Variants in SPATA6 observed in about 807,000 individuals in gnomAD.
SPATA6 encodes spermatogenesis-associated protein 6.
In SPATA6, 56 loss-of-function variants were observed where a neutral mutation model predicts 65.3. That is an observed-to-expected ratio of 0.86 (90% CI 0.69 to 1.07). The LOEUF (loss-of-function observed/expected upper bound fraction) is 1.07. Ranked by LOEUF, SPATA6 falls within the 50% of genes least tolerant of loss-of-function variation. The probability of loss-of-function intolerance (pLI) is 0.00; values close to 1 mark genes in which losing one functional copy is unlikely to be tolerated. For missense variants in SPATA6, 590 were observed against 594.8 expected (o/e 0.99, Z 0.08); for synonymous variants, 199 against 213.2 (o/e 0.93, Z 0.58).
intron 11 of SPATA6, among the ~76,000 whole-genome samples, chr1:48,345,718 T>C (rs1646345316): frequency 6.6e-6 from 1 of 152,022 alleles, no homozygotes; most frequent in Admixed American, 6.6e-5. Context: ...AACACCTCTA[T>C]GCACATAAAC....
intron 8 of SPATA6, among the ~76,000 whole-genome samples, chr1:48,392,826 C>G (rs142340813): frequency 6.6e-6 from 1 of 151,832 alleles, no homozygotes; most frequent in South Asian, 2.1e-4. Context: ...TGTAAGAGAT[C>G]CTACCATAAG....
At chr1:48,313,434 C>A (rs1309491236) in intron 11 of SPATA6, among the ~76,000 whole-genome samples, 1 of 152,022 alleles carries the variant, frequency 6.6e-6, no homozygotes, top group African/African-American at 2.4e-5. Flanking sequence ...ATTTCATATC[C>A]AGCCAAACTA....
intron 9 of SPATA6, among the ~76,000 whole-genome samples, chr1:48,361,087 T>C (rs1001345268): frequency 2.8e-4 from 43 of 152,134 alleles, no homozygotes; most frequent in African/African-American, 9.4e-4. Context: ...AAGTCCAGGA[T>C]GAAAATATAA....
the SPATA6 span, among the ~76,000 whole-genome samples, chr1:48,283,677 TCAAA>T: frequency 1.1e-3 from 14 of 13,304 alleles, 1 homozygote; most frequent in Admixed American, 4.1e-3. Context: ...AGACTCCGTC[TCAAA>T]AAAAAAAAAA....
chr1:48,338,888 C>T (rs139111888), intron 11 of SPATA6, among the ~76,000 whole-genome samples: 161 of 151,984 alleles, frequency 1.1e-3, no homozygotes, highest in Middle Eastern at 3.4e-3. Context: ...TGAAAAGAAC[C>T]GATGAGTTGA....
At chr1:48,291,483 T>C (rs1028210047), downstream of SPATA6, among the ~76,000 whole-genome samples, 15 of 152,124 alleles carry the variant, frequency 9.9e-5, no homozygotes, top group Admixed American at 6.5e-5. Context: ...CTCTGCTGCA[T>C]CACACAGGTC....
At chr1:48,275,928 C>A in the SPATA6 span, among the ~76,000 whole-genome samples, 1 of 152,112 alleles carries the variant, frequency 6.6e-6, no homozygotes, top group African/African-American at 2.4e-5. Flanking sequence ...CTCTTTGTAC[C>A]TCTGGTAGAA....
intron 3 of SPATA6, among the ~76,000 whole-genome samples, chr1:48,449,691 T>C (rs549126687): frequency 6.6e-6 from 1 of 152,218 alleles, no homozygotes; most frequent in Non-Finnish European, 1.5e-5. Context: ...AACAAATCGA[T>C]TGCAAAAAGA....
intron 11 of SPATA6, among the ~76,000 whole-genome samples, chr1:48,306,086 T>C (rs1645055292): frequency 1.3e-5 from 2 of 152,010 alleles, no homozygotes; most frequent in Admixed American, 1.3e-4. Context: ...TATTATAGTT[T>C]TTGCTAATAT....
chr1:48,321,126 C>T (rs1479750839), intron 11 of SPATA6, among the ~76,000 whole-genome samples: 1 of 151,994 alleles, frequency 6.6e-6, no homozygotes, highest in Non-Finnish European at 1.5e-5. Flanking sequence ...ACAGAACAAC[C>T]AGGAAACAAC....
At chr1:48,263,978 C>T in the SPATA6 span, among the ~76,000 whole-genome samples, 8 of 152,108 alleles carry the variant, frequency 5.3e-5, no homozygotes, top group Non-Finnish European at 7.3e-5. Flanking sequence ...CAGGCACATA[C>T]CACCATGCCC....
chr1:48,353,109 T>A (rs72893229), intron 11 of SPATA6, among the ~76,000 whole-genome samples: 3,728 of 151,818 alleles, frequency 0.025, 100 homozygotes, highest in African/African-American at 0.067. Context: ...CAAGAAAGAA[T>A]GAATAATAAT....
the SPATA6 span, among the ~76,000 whole-genome samples, chr1:48,273,485 C>T: frequency 6.6e-6 from 1 of 152,104 alleles, no homozygotes; most frequent in East Asian, 1.9e-4. Flanking sequence ...AATGCTATCC[C>T]TCCCCATCCT....
intron 3 of SPATA6, among the ~76,000 whole-genome samples, chr1:48,423,715 T>C (rs1207367343): frequency 4.0e-5 from 6 of 151,890 alleles, no homozygotes; most frequent in Non-Finnish European, 5.9e-5. Context: ...GCCCGGCTAA[T>C]GTTTGTATTT....
chr1:48,273,166 A>G, the SPATA6 span, among the ~76,000 whole-genome samples: 1 of 152,148 alleles, frequency 6.6e-6, no homozygotes, highest in Admixed American at 6.5e-5. Context: ...TTTTGTTATC[A>G]TATCCAAAAA....
At chr1:48,308,583 G>A (rs1003335891) in intron 11 of SPATA6, among the ~76,000 whole-genome samples, 1 of 152,086 alleles carries the variant, frequency 6.6e-6, no homozygotes, top group African/African-American at 2.4e-5. Flanking sequence ...ACTGTCTAGT[G>A]TCCTTTCACT....
chr1:48,304,624 G>A (rs145048863), intron 12 of SPATA6, among the ~76,000 whole-genome samples: 218 of 152,252 alleles, frequency 1.4e-3, no homozygotes, highest in African/African-American at 4.9e-3. Context: ...GATTACAGGC[G>A]TGAGCCATTG....
intron 11 of SPATA6, among the ~76,000 whole-genome samples, chr1:48,321,381 C>G (rs1013051043): frequency 6.6e-6 from 1 of 152,108 alleles, no homozygotes; most frequent in African/African-American, 2.4e-5. Context: ...AGTAGCTAAA[C>G]TGATATCAGA....
intron 3 of SPATA6, among the ~76,000 whole-genome samples, chr1:48,444,182 C>G (rs1655786803): frequency 6.6e-6 from 1 of 152,198 alleles, no homozygotes; most frequent in Non-Finnish European, 1.5e-5. Flanking sequence ...ATGCACCAAG[C>G]AGCACTCTGT....
Sources: gnomAD v4.1 joint callset for allele counts (sites outside exome capture counted in the v4.1 genomes callset) on GRCh38, gnomAD v4.1.1 for gene constraint, MANE v1.5 for transcripts, NCBI Gene and HGNC (gene_info 2026-07-23, HGNC 2026-07-21) for gene names.